SCNN1A: variants seen among roughly 807,000 people sequenced by gnomAD.
SCNN1A encodes epithelial sodium channel subunit alpha.
A neutral mutation model predicts 68.6 loss-of-function variants in SCNN1A; 65 were observed. That is an observed-to-expected ratio of 0.95 (90% CI 0.78 to 1.16). The LOEUF is 1.16. SCNN1A is among the 50% of genes most tolerant of loss of function. SCNN1A has a pLI of 0.00. For synonymous variants in SCNN1A, 357 were observed against 353.3 expected, an observed-to-expected ratio of 1.01 and a Z score of -0.12; for missense variants, 880 against 865.9, an observed-to-expected ratio of 1.02 and a Z score of -0.20.
intron 4 of SCNN1A, 113 bp from the exon 5 acceptor site, chr12:6,355,993 C>T (rs762618616): frequency 3.1e-5 from 25 of 799,272 alleles, no homozygotes; most frequent in Non-Finnish European, 5.7e-5. Flanking sequence ...GGACTTGTGC[C>T]TTTCAGAGCC....
Position 6,375,303 on chromosome 12 carries a change from G to A in SCNN1A, c.-55+202C>T, listed in dbSNP as rs915150126. Reference sequence around the variant, plus strand: ...CTGCCTCTCTTCCTCTCCCCCCCTTGCCTTGCCCCCTCTCACTCTAGGCCC... The same window carrying A: ...CTGCCTCTCTTCCTCTCCCCCCCTTACCTTGCCCCCTCTCACTCTAGGCCC... On this transcript the variant is annotated intron_variant, in intron 1 of 12. Coordinates refer to ENST00000228916, the MANE Select transcript of SCNN1A (RefSeq NM_001038.6). 5.6e-6 allele frequency: 8 copies of A among 1,433,462 alleles called. No individual in the cohort carries two copies. The African/African-American group carries it at 1.2e-4, about 21-fold the overall frequency. 88.8% of individuals were successfully genotyped at this position (1,433,462 alleles called of 1,614,324 possible). A position where few individuals can be genotyped will look rare whatever the true frequency, so the allele number is the denominator to read the frequency against.
At chr12:6,354,717 G>A (rs1199554936) in intron 7 of SCNN1A, 33 bp downstream of exon 7, 4 of 1,570,512 alleles carry the variant, frequency 2.5e-6, no homozygotes, top group Non-Finnish European at 3.5e-6. Context: ...CAGTGGCTGG[G>A]AGTGGCTGCC....
intron 2 of SCNN1A, 189 bp from the exon 3 acceptor site, chr12:6,363,899 A>G: frequency 2.9e-6 from 1 of 344,756 alleles, no homozygotes; most frequent in Non-Finnish European, 5.3e-6. Context: ...TCCGCCGGGA[A>G]GGCGGAGGCC....
chr12:6,376,374 C>T (rs758547265), upstream of SCNN1A, among the ~76,000 whole-genome samples: 4 of 152,242 alleles, frequency 2.6e-5, no homozygotes, highest in Non-Finnish European at 4.4e-5. Context: ...GTGTAATCGC[C>T]CCTGCTGTGG....
intron 4 of SCNN1A, 93 bp downstream of exon 4, chr12:6,361,958 A>G (rs1948586032): frequency 1.7e-5 from 24 of 1,399,006 alleles, no homozygotes; most frequent in Non-Finnish European, 1.9e-5. Context: ...TTTAGTCAAC[A>G]AGCATTTCCT....
chr12:6,353,827 G>A (rs1421905971), intron 8 of SCNN1A: 2 of 146,426 alleles, frequency 1.4e-5, no homozygotes, highest in Non-Finnish European at 3.0e-5. Context: ...CTGACCTCGT[G>A]ATCCGCCCGC....
At chr12:6,355,569 G>A (rs1948482786) in intron 5 of SCNN1A, 134 bp from the exon 6 acceptor site, 2 of 1,149,924 alleles carry the variant, frequency 1.7e-6, no homozygotes, top group Admixed American at 4.1e-5. Context: ...ACCCGCAAAG[G>A]GACCTGGCAA....
intron 4 of SCNN1A, among the ~76,000 whole-genome samples, chr12:6,361,165 T>G (rs545243001): frequency 6.6e-6 from 1 of 152,380 alleles, no homozygotes; most frequent in South Asian, 2.1e-4. Context: ...ATAGCCCAGA[T>G]AGTCAAAACT....
chr12:6,368,831 G>C (rs1295869735), intron 2 of SCNN1A, among the ~76,000 whole-genome samples: 1 of 152,160 alleles, frequency 6.6e-6, no homozygotes, highest in African/African-American at 2.4e-5. Flanking sequence ...TGTGTAACTC[G>C]GGGTAAGTGA....
In SCNN1A at chr12:6,349,389, C is replaced by T; in HGVS notation, c.1377G>A (p.Lys459=). The change falls in exon 9 of 13, where the codon AAG becomes AAA. Residue 459 remains lysine, a synonymous_variant. Transcript: ENST00000228916. ...KHSSWGYCYY[K]LQVDFSSDHL... Reference sequence around the variant, plus strand: ...GGTCTGAGGAGAAGTCAACCTGGAGCTTATAGTAGCAGTACCCTGTGGGTA... The same window carrying T: ...GGTCTGAGGAGAAGTCAACCTGGAGTTTATAGTAGCAGTACCCTGTGGGTA... 1 of 1,597,758 alleles carries T rather than the reference C, an allele frequency of 6.3e-7. No homozygotes were observed. The highest frequency in any genetic ancestry group is 8.5e-7 in the Non-Finnish European group (1 of 1,171,592).
At chr12:6,375,728 C>T, upstream of SCNN1A, 2 of 1,421,102 alleles carry the variant, frequency 1.4e-6, no homozygotes, top group Non-Finnish European at 1.8e-6. Flanking sequence ...GCTTTAGACG[C>T]AGACAGGCAA....
intron 8 of SCNN1A, among the ~76,000 whole-genome samples, chr12:6,352,560 A>C (rs184120368): frequency 6.6e-6 from 1 of 152,306 alleles, no homozygotes; most frequent in African/African-American, 2.4e-5. Context: ...AGAAATAATT[A>C]TTTGAGGGGA....
Position 6,352,624 on chromosome 12 carries a change from G to A in SCNN1A, c.1360+1814C>T, listed in dbSNP as rs577052071. 6.2e-4 allele frequency among the ~76,000 whole-genome samples: 94 copies of A among 152,332 alleles called. 1 individual carries two copies. The highest frequency in any genetic ancestry group is 2.0e-3 in the African/African-American group (84 of 41,564). On this transcript the variant is annotated intron_variant, in intron 8 of 12. Coordinates refer to ENST00000228916, the MANE Select transcript of SCNN1A (RefSeq NM_001038.6). ...ATCCCAGTTCTGTATACCCTGGGAC[G>A]TGTCACATCCTCCCCCTGGACCTTA...
intron 2 of SCNN1A, among the ~76,000 whole-genome samples, chr12:6,365,751 A>G (rs537433582): frequency 6.6e-6 from 1 of 152,394 alleles, no homozygotes; most frequent in East Asian, 1.9e-4. Context: ...TAAACACTCT[A>G]GAAGATGGAA....
chr12:6,355,989 G>C (rs1406996865), intron 4 of SCNN1A, 109 bp from the exon 5 acceptor site: 4 of 813,912 alleles, frequency 4.9e-6, no homozygotes, highest in Non-Finnish European at 8.8e-6. Flanking sequence ...TACAGGACTT[G>C]TGCCTTTCAG....
At chr12:6,363,314 G>A in intron 3 of SCNN1A, 129 bp downstream of exon 3, 1 of 612,524 alleles carries the variant, frequency 1.6e-6, no homozygotes, top group Non-Finnish European at 2.5e-6. Context: ...TTTTGCCCGC[G>A]AGCCCACGAG....
Position 6,363,435 on chromosome 12 carries a change from G to T in SCNN1A, c.684+8C>A, listed in dbSNP as rs765409420. ...GCGGGGCGGGCCCCTCGGCGCTGCG[G>T]GCCTCACCAGCTGGAAGCCGATCTT... On this transcript the variant is annotated splice_region_variant and intron_variant, in intron 3 of 12. Transcript: ENST00000228916. The T allele has an allele frequency of 6.4e-7, 1 of 1,556,236 alleles. No individual in the cohort carries two copies. Among genetic ancestry groups the T allele is most frequent in the East Asian group, 2.4e-5 (1 of 42,482 alleles).
At chr12:6,355,959 T>G in intron 4 of SCNN1A, 79 bp from the exon 5 acceptor site, 12 of 916,854 alleles carry the variant, frequency 1.3e-5, no homozygotes, top group South Asian at 1.2e-4. Context: ...CAGAGAGAAA[T>G]GTCCACTCTC....
chr12:6,354,801 A>G lies in SCNN1A; in HGVS notation c.1191T>C (p.Asn397=). 6.2e-7 allele frequency: 1 copy of G among 1,613,410 alleles called. No individual in the cohort carries two copies. The highest frequency in any genetic ancestry group is 8.5e-7 in the Non-Finnish European group (1 of 1,179,806). Reference sequence around the variant, plus strand: ...GGTTCTCAACAGGAACATCACTGCCATTCTTGGTGCAGTCGCCATAATCGC... The same window carrying G: ...GGTTCTCAACAGGAACATCACTGCCGTTCTTGGTGCAGTCGCCATAATCGC... ...LGGDYGDCTK[N]GSDVPVENLY... The change falls in exon 7 of 13, where the codon AAT becomes AAC. Residue 397 remains asparagine (N), a synonymous_variant. Coordinates refer to ENST00000228916, the MANE Select transcript of SCNN1A (RefSeq NM_001038.6).
Sources: gnomAD v4.1 joint callset for allele counts (sites outside exome capture counted in the v4.1 genomes callset) on GRCh38, gnomAD v4.1.1 for gene constraint, MANE v1.5 for transcripts, NCBI Gene and HGNC (gene_info 2026-07-23, HGNC 2026-07-21) for gene names.